CNTN4: variants seen among roughly 807,000 people sequenced by gnomAD.
CNTN4 encodes contactin-4.
CNTN4 carries 77 observed loss-of-function variants against 122.5 expected under a neutral mutation model. The observed-to-expected ratio is 0.63, with a 90% CI of 0.52 to 0.76. CNTN4 has a LOEUF of 0.76. Ranked by LOEUF, CNTN4 falls within the 30% of genes least tolerant of loss-of-function variation. The pLI, the probability that CNTN4 is intolerant of heterozygous loss-of-function variation, is 0.00. For synonymous variants in CNTN4, 512 were observed against 447.0 expected, an observed-to-expected ratio of 1.15 and a Z score of -1.83; for missense variants, 1,256 against 1,259.1, an observed-to-expected ratio of 1.00 and a Z score of 0.04.
intron 3 of CNTN4, among the ~76,000 whole-genome samples, chr3:2,421,882 T>A (rs144816382): frequency 1.3e-5 from 2 of 152,296 alleles, no homozygotes; most frequent in East Asian, 3.9e-4. Flanking sequence ...AGAGATTAAA[T>A]AATTTGCTCA....
At chr3:2,477,473 A>ATATT (rs1483314218) in intron 3 of CNTN4, among the ~76,000 whole-genome samples, 2 of 152,192 alleles carry the variant, frequency 1.3e-5, no homozygotes, top group Non-Finnish European at 2.9e-5. Context: ...TACAAACAGA[A>ATATT]TATTTTTATC....
chr3:2,278,016 G>T (rs533161351), intron 2 of CNTN4, among the ~76,000 whole-genome samples: 55 of 152,208 alleles, frequency 3.6e-4, no homozygotes, highest in Admixed American at 2.3e-3. Flanking sequence ...GTTGCAACTT[G>T]TAAAGTGTGT....
At chr3:2,404,723 A>G (rs1012781024) in intron 3 of CNTN4, among the ~76,000 whole-genome samples, 2 of 152,218 alleles carry the variant, frequency 1.3e-5, no homozygotes, top group African/African-American at 4.8e-5. Flanking sequence ...TCGGTATTTG[A>G]TAGAATAATC....
rs1374072340 is a variant in CNTN4 at position 2,410,783 on chromosome 3, G to A, written c.-89+71550G>A. On this transcript the variant is annotated intron_variant, in intron 3 of 24. Transcript: ENST00000418658. The stretch of plus-strand genomic sequence containing the variant: ...TAGATGAGCTCATTCATGTGAATAA[G>A]CTTGGGGATAAATTACCTCTTTCTA... Among the ~76,000 whole-genome samples, 3 of 152,164 alleles carry A rather than the reference G, an allele frequency of 2.0e-5. No homozygotes were observed. The East Asian group carries it at 5.8e-4, about 29-fold the overall frequency.
At chr3:3,027,520 G>A (rs1309621531) in intron 15 of CNTN4, among the ~76,000 whole-genome samples, 1 of 152,134 alleles carries the variant, frequency 6.6e-6, no homozygotes, top group Non-Finnish European at 1.5e-5. Flanking sequence ...TGAGGTCTAG[G>A]AAAGTACATA....
intron 3 of CNTN4, among the ~76,000 whole-genome samples, chr3:2,452,696 T>C (rs2151376085): frequency 6.6e-6 from 1 of 152,262 alleles, no homozygotes; most frequent in Middle Eastern, 3.4e-3. Flanking sequence ...TCACTTCTGT[T>C]TATGAGTTGG....
intron 3 of CNTN4, among the ~76,000 whole-genome samples, chr3:2,543,757 A>G (rs1309574829): frequency 3.3e-5 from 5 of 152,160 alleles, no homozygotes; most frequent in Non-Finnish European, 7.4e-5. Context: ...TAAGAATCAC[A>G]ATGATATTTT....
At chr3:2,546,758 A>G (rs933426227) in intron 3 of CNTN4, among the ~76,000 whole-genome samples, 3 of 152,132 alleles carry the variant, frequency 2.0e-5, no homozygotes, top group African/African-American at 7.2e-5. Flanking sequence ...AATAATAAAT[A>G]CTTCAGCAGA....
intron 4 of CNTN4, among the ~76,000 whole-genome samples, chr3:2,689,632 C>T (rs775398426): frequency 7.2e-5 from 11 of 152,098 alleles, no homozygotes; most frequent in Non-Finnish European, 8.8e-5. Context: ...AGCAATTAAT[C>T]TGCAGGAGAG....
chr3:2,122,779 G>A (rs1376307688), intron 2 of CNTN4, among the ~76,000 whole-genome samples: 1 of 152,150 alleles, frequency 6.6e-6, no homozygotes, highest in Non-Finnish European at 1.5e-5. Context: ...ATTAATAGAC[G>A]TTCATTTTAC....
At chr3:2,811,178 G>C (rs1363677134) in intron 6 of CNTN4, among the ~76,000 whole-genome samples, 1 of 151,968 alleles carries the variant, frequency 6.6e-6, no homozygotes, top group African/African-American at 2.4e-5. Context: ...GGGAGGCCGA[G>C]GCAGGCGTAT....
At chr3:2,924,763 C>A (rs2094457650) in intron 12 of CNTN4, among the ~76,000 whole-genome samples, 1 of 152,132 alleles carries the variant, frequency 6.6e-6, no homozygotes, top group South Asian at 2.1e-4. Context: ...ATGAGCCAAG[C>A]ATTGCATTGG....
At chr3:2,185,944 A>C (rs973138125) in intron 2 of CNTN4, among the ~76,000 whole-genome samples, 1 of 151,404 alleles carries the variant, frequency 6.6e-6, no homozygotes, top group African/African-American at 2.4e-5. Context: ...ATTTTTTATT[A>C]TTATACTTTA....
intron 2 of CNTN4, among the ~76,000 whole-genome samples, chr3:2,170,305 C>G (rs5017184): frequency 0.1 from 15,752 of 151,010 alleles, 1,074 homozygotes; most frequent in East Asian, 0.23. Context: ...GGGCGACACA[C>G]CAAGACTCCG....
At chr3:2,777,285 T>C (rs921272919) in intron 6 of CNTN4, among the ~76,000 whole-genome samples, 3 of 152,318 alleles carry the variant, frequency 2.0e-5, no homozygotes, top group Admixed American at 6.5e-5. Context: ...ATATTCCATA[T>C]CTATCTCAGG....
At chr3:2,496,025 C>T (rs903925789) in intron 3 of CNTN4, among the ~76,000 whole-genome samples, 1 of 152,094 alleles carries the variant, frequency 6.6e-6, no homozygotes, top group Non-Finnish European at 1.5e-5. Flanking sequence ...CAAGCGGGCT[C>T]AGAAAAATTA....
rs150500497 is a variant in CNTN4, at chr3:2,743,583, T to C, written c.183-1939T>C. ...TGTGGTAGTGTGCTGGAATGCTTCATAAATTGTGGATGTTCAAAGCTAAAA... is the reference window on the plus strand; with the variant it reads ...TGTGGTAGTGTGCTGGAATGCTTCACAAATTGTGGATGTTCAAAGCTAAAA... On this transcript the variant is annotated intron_variant, in intron 5 of 24. Transcript: ENST00000418658. 2.6e-4 allele frequency among the ~76,000 whole-genome samples: 39 copies of C among 152,338 alleles called. No homozygotes were observed. The East Asian group carries it at 7.3e-3, about 29-fold the overall frequency.
intron 4 of CNTN4, among the ~76,000 whole-genome samples, chr3:2,574,975 A>C (rs1468684650): frequency 1.3e-5 from 2 of 152,124 alleles, no homozygotes; most frequent in African/African-American, 4.8e-5. Context: ...GGCTAGATGC[A>C]GTTCCTAGTC....
At chr3:2,756,850 G>A (rs2090360580) in intron 6 of CNTN4, among the ~76,000 whole-genome samples, 1 of 152,164 alleles carries the variant, frequency 6.6e-6, no homozygotes, top group Non-Finnish European at 1.5e-5. Flanking sequence ...CAGCACTGCT[G>A]ACAACTTGAT....
Sources: gnomAD v4.1 joint callset for allele counts (sites outside exome capture counted in the v4.1 genomes callset) on GRCh38, gnomAD v4.1.1 for gene constraint, MANE v1.5 for transcripts, NCBI Gene and HGNC (gene_info 2026-07-23, HGNC 2026-07-21) for gene names.